FMC1: variants seen among roughly 807,000 people sequenced by gnomAD.
The protein encoded by FMC1 is protein FMC1 homolog.
FMC1 carries 6 observed loss-of-function variants against 10.5 expected under a neutral mutation model. The ratio of observed to expected loss-of-function variants is 0.57; its 90% CI spans 0.31 to 1.12. The LOEUF is 1.12. Ranked by LOEUF, FMC1 falls within the 50% of genes most tolerant of loss-of-function variation. FMC1 has a pLI of 0.05. For synonymous variants in FMC1, 59 were observed against 62.1 expected, an observed-to-expected ratio of 0.95 and a Z score of 0.24; for missense variants, 146 against 151.7, an observed-to-expected ratio of 0.96 and a Z score of 0.20.
At chr7:139,343,947 GAGTT>G (rs1225573906) in intron 1 of FMC1, among the ~76,000 whole-genome samples, 1 of 107,874 alleles carries the variant, frequency 9.3e-6, no homozygotes, top group Non-Finnish European at 1.8e-5. Context: ...AAAAAAAAAA[GAGTT>G]GGTGGGGGGC....
At chr7:139,344,198 A>T (rs1463422794) in intron 1 of FMC1, among the ~76,000 whole-genome samples, 2 of 152,174 alleles carry the variant, frequency 1.3e-5, no homozygotes, top group African/African-American at 2.4e-5. Flanking sequence ...TCTTAAAGTC[A>T]TGAGTCCAGA....
chr7:139,341,109 G>C (rs920721506), upstream of FMC1: 1 of 356,500 alleles, frequency 2.8e-6, no homozygotes, highest in African/African-American at 2.1e-5. Flanking sequence ...CAATGACGCA[G>C]TGAAGAAAAG....
chr7:139,341,686 C>G (rs555238900), intron 1 of FMC1, among the ~76,000 whole-genome samples, 164 bp downstream of exon 1: 2 of 152,268 alleles, frequency 1.3e-5, no homozygotes, highest in African/African-American at 4.8e-5. Flanking sequence ...GCTCCATGCT[C>G]TGGCATAAAC....
Position 139,345,773 on chromosome 7 carries a change from C to T in FMC1, c.*69C>T. 6.9e-7 allele frequency: 1 copy of T among 1,448,570 alleles called. No homozygotes were observed. The allele number at this position is 1,448,570 out of a possible 1,614,324, so 89.7% of individuals were successfully genotyped here. A position where few individuals can be genotyped will look rare whatever the true frequency, so the allele number is the denominator to read the frequency against. ...ATAATTTCTATCAATATGTATTTAT[C>T]ATTAAATTTTTTTTAAGTTTAAGGT... is the stretch of plus-strand genomic sequence containing the variant. On this transcript the variant is annotated 3_prime_UTR_variant, in exon 2 of 2. Coordinates refer to ENST00000297534, the MANE Select transcript of FMC1 (RefSeq NM_197964.5).
At chr7:139,344,564 C>A (rs1289480917) in intron 1 of FMC1, among the ~76,000 whole-genome samples, 1 of 151,854 alleles carries the variant, frequency 6.6e-6, no homozygotes, top group East Asian at 1.9e-4. Context: ...GATGCAGAAC[C>A]CATGGATATG....
intron 1 of FMC1, among the ~76,000 whole-genome samples, chr7:139,343,891 A>G (rs534168107): frequency 5.0e-4 from 70 of 140,696 alleles, no homozygotes; most frequent in South Asian, 8.8e-4. Context: ...ACGCTATTGC[A>G]CTCCAGCCTG....
chr7:139,341,291 C>G (rs1206564674), upstream of FMC1: 1 of 1,512,118 alleles, frequency 6.6e-7, no homozygotes, highest in Non-Finnish European at 8.9e-7. Flanking sequence ...AGTCGGTAGT[C>G]TGTCCGACCG....
intron 1 of FMC1, 61 bp downstream of exon 1, chr7:139,341,583 G>T: frequency 6.3e-7 from 1 of 1,582,192 alleles, no homozygotes; most frequent in Non-Finnish European, 8.6e-7. Context: ...CCGGGTCTGG[G>T]CTAGGGTGGG....
rs777537487 is a variant in FMC1, at chr7:139,341,514, G to C, written c.130G>C (p.Ala44Pro). Residue 44 changes from alanine (A) to proline (P), a missense_variant, in exon 1 of 2, where the codon GCA (alanine) becomes CCA (proline). Physicochemically the swap from Ala to Pro is conservative, Grantham distance 27. Coordinates refer to ENST00000297534, the MANE Select transcript of FMC1 (RefSeq NM_197964.5). ...TCGGTACCTTGTGAAGGCTTTCCGT[G>C]CACATCGGGTACGGGAGCCATGTCC... ...AYRYLVKAFR[A>P]HRVTSEKLCR... 1 of 1,612,790 alleles carries C rather than the reference G, an allele frequency of 6.2e-7. No homozygotes were observed. Among genetic ancestry groups the C allele is most frequent in the Non-Finnish European group, 8.5e-7 (1 of 1,179,206 alleles).
At chr7:139,341,798 G>A (rs1258454892) in intron 1 of FMC1, among the ~76,000 whole-genome samples, 1 of 152,202 alleles carries the variant, frequency 6.6e-6, no homozygotes, top group Non-Finnish European at 1.5e-5. Flanking sequence ...TCATTGGCTG[G>A]TCTGTTGCCT....
chr7:139,344,238 A>G (rs1274680749), intron 1 of FMC1, among the ~76,000 whole-genome samples: 1 of 152,200 alleles, frequency 6.6e-6, no homozygotes, highest in Non-Finnish European at 1.5e-5. Flanking sequence ...AAATTGTAAG[A>G]GCGAGAATAG....
chr7:139,342,141 CTG>C (rs1799010963), intron 1 of FMC1, among the ~76,000 whole-genome samples: 1 of 152,096 alleles, frequency 6.6e-6, no homozygotes, highest in African/African-American at 2.4e-5. Context: ...ACGTTAGGGT[CTG>C]TGCTAGGAAC....
intron 1 of FMC1, among the ~76,000 whole-genome samples, chr7:139,341,811 G>T (rs1213376942): frequency 6.6e-6 from 1 of 152,180 alleles, no homozygotes; most frequent in African/African-American, 2.4e-5. Context: ...TGTTGCCTCT[G>T]CGGAGGGCAG....
upstream of FMC1, chr7:139,341,229 G>T (rs561566891): frequency 1.2e-4 from 163 of 1,336,020 alleles, 1 homozygote; most frequent in Middle Eastern, 5.5e-4. Context: ...GATTAATAAG[G>T]TTCGGTCAAC....
intron 1 of FMC1, among the ~76,000 whole-genome samples, chr7:139,344,327 C>G (rs1435950087): frequency 2.0e-5 from 3 of 152,136 alleles, no homozygotes; most frequent in African/African-American, 7.2e-5. Context: ...CATGGATGCT[C>G]AAGTCCCTGA....
intron 1 of FMC1, among the ~76,000 whole-genome samples, chr7:139,341,922 A>C (rs571489281): frequency 6.6e-6 from 1 of 152,324 alleles, no homozygotes; most frequent in African/African-American, 2.4e-5. Flanking sequence ...CATCTGGCCA[A>C]CAATTTCCTC....
At chr7:139,345,365 A>G in intron 1 of FMC1, 136 bp from the exon 2 acceptor site, 1 of 1,323,296 alleles carries the variant, frequency 7.6e-7, no homozygotes, top group Non-Finnish European at 1.0e-6. Context: ...TATTAAGTAT[A>G]CATGTATATA....
At chr7:139,344,420 C>T (rs527737875) in intron 1 of FMC1, among the ~76,000 whole-genome samples, 2 of 152,202 alleles carry the variant, frequency 1.3e-5, no homozygotes, top group South Asian at 2.1e-4. Flanking sequence ...ATACCTTATG[C>T]GGTGTAAATG....
Position 139,346,291 on chromosome 7 carries a change from G to C in FMC1, c.*587G>C, listed in dbSNP as rs1170953684. 1 of 151,240 alleles carries C rather than the reference G, an allele frequency of 6.6e-6. No homozygotes were observed. Among genetic ancestry groups the C allele is most frequent in the Non-Finnish European group, 1.5e-5 (1 of 67,906 alleles). The allele number at this position is 151,240 out of a possible 1,614,324, so 9.4% of individuals were successfully genotyped here. A position where few individuals can be genotyped will look rare whatever the true frequency, so the allele number is the denominator to read the frequency against. On this transcript the variant is annotated 3_prime_UTR_variant, in exon 2 of 2. Transcript: ENST00000297534. ...AGCCTTTTGTTTAAGGAATTCAAAT[G>C]TTATAAACATAAAATAAAAGAAACC...
Sources: gnomAD v4.1 joint callset for allele counts (sites outside exome capture counted in the v4.1 genomes callset) on GRCh38, gnomAD v4.1.1 for gene constraint, MANE v1.5 for transcripts, NCBI Gene and HGNC (gene_info 2026-07-23, HGNC 2026-07-21) for gene names.